TNIK: variants seen among roughly 807,000 people sequenced by gnomAD.
TNIK encodes the protein TRAF2 and NCK-interacting protein kinase.
Under a neutral mutation model 191.3 loss-of-function variants are expected in TNIK, and 49 were observed. That is an observed-to-expected ratio of 0.26 (90% CI 0.20 to 0.32). TNIK has a LOEUF of 0.32. Ranked by LOEUF, TNIK falls within the 10% of genes least tolerant of loss-of-function variation. The pLI, the probability that TNIK is intolerant of heterozygous loss-of-function variation, is 1.00. For synonymous variants in TNIK, 594 were observed against 600.9 expected, an observed-to-expected ratio of 0.99 and a Z score of 0.17; for missense variants, 1,155 against 1,702.3, an observed-to-expected ratio of 0.68 and a Z score of 5.66.
chr3:171,114,990 T>C (rs988702246), intron 18 of TNIK, among the ~76,000 whole-genome samples: 1 of 152,246 alleles, frequency 6.6e-6, no homozygotes, highest in Non-Finnish European at 1.5e-5. Flanking sequence ...CCCTGTTTTA[T>C]TAAACAATAG....
intron 18 of TNIK, among the ~76,000 whole-genome samples, chr3:171,112,794 C>T (rs1192621373): frequency 6.6e-6 from 1 of 151,254 alleles, no homozygotes; most frequent in Non-Finnish European, 1.5e-5. Context: ...GTAATAGCTT[C>T]ATTAATTGTC....
intron 3 of TNIK, among the ~76,000 whole-genome samples, chr3:171,220,005 A>G (rs964179212): frequency 6.6e-6 from 1 of 152,186 alleles, no homozygotes; most frequent in African/African-American, 2.4e-5. Flanking sequence ...ATGCCCATCA[A>G]TGATAGACTG....
chr3:171,421,678 A>G (rs7650598), intron 1 of TNIK, among the ~76,000 whole-genome samples: 116,077 of 150,234 alleles, frequency 0.77, 44,988 homozygotes, highest in Middle Eastern at 0.87. Context: ...TAAAAAGCAG[A>G]GACATTGAAT....
rs570306825 is a variant in TNIK, at chr3:171,370,627, T to C, written c.58-942A>G. Among the ~76,000 whole-genome samples the C allele has an allele frequency of 9.9e-5, 15 of 152,228 alleles. 1 individual carries two copies. In the South Asian group the frequency reaches 2.3e-3, roughly 23 times the overall value. Reference sequence around the variant, plus strand: ...AGGCCAGTAACATAAACAAGTAAAGTGGTCCAGTTGGGGCCTGTGGCAAAC... The same window carrying C: ...AGGCCAGTAACATAAACAAGTAAAGCGGTCCAGTTGGGGCCTGTGGCAAAC... On this transcript the variant is annotated intron_variant, in intron 1 of 32. Coordinates refer to ENST00000436636, the MANE Select transcript of TNIK (RefSeq NM_015028.4).
chr3:171,298,066 T>TA (rs1485636706), intron 2 of TNIK, among the ~76,000 whole-genome samples: 1 of 152,220 alleles, frequency 6.6e-6, no homozygotes, highest in African/African-American at 2.4e-5. Flanking sequence ...TCTGATGATT[T>TA]AGGATGGTGT....
At chr3:171,286,602 T>C (rs1190273474) in intron 2 of TNIK, among the ~76,000 whole-genome samples, 3 of 152,148 alleles carry the variant, frequency 2.0e-5, no homozygotes, top group African/African-American at 7.2e-5. Flanking sequence ...GCCCCTGCAC[T>C]CCAGCTTGGG....
chr3:171,248,260 G>T (rs2109070213), intron 2 of TNIK, among the ~76,000 whole-genome samples: 1 of 152,302 alleles, frequency 6.6e-6, no homozygotes, highest in South Asian at 2.1e-4. Flanking sequence ...GCGGAAGGGA[G>T]GAGAGGAGAG....
At chr3:171,358,476 C>T (rs189982399) in intron 2 of TNIK, among the ~76,000 whole-genome samples, 8 of 152,138 alleles carry the variant, frequency 5.3e-5, no homozygotes, top group African/African-American at 1.4e-4. Context: ...AGGGAAACTG[C>T]CCCCAGGATT....
chr3:171,157,729 TGGA>T, intron 11 of TNIK, 65 bp from the exon 12 acceptor site: 1 of 1,501,364 alleles, frequency 6.7e-7, no homozygotes, highest in Non-Finnish European at 9.0e-7. Flanking sequence ...CAAGAGGCCT[TGGA>T]GGAGGAAAGC....
intron 9 of TNIK, among the ~76,000 whole-genome samples, chr3:171,170,068 T>C (rs1021790050): frequency 3.3e-5 from 5 of 152,244 alleles, no homozygotes; most frequent in Admixed American, 1.3e-4. Flanking sequence ...CCTCACTGTT[T>C]GCTGAGTGTT....
chr3:171,410,505 C>T (rs530203199), intron 1 of TNIK, among the ~76,000 whole-genome samples: 10 of 151,950 alleles, frequency 6.6e-5, no homozygotes, highest in African/African-American at 2.4e-4. Context: ...CTGGGCTGGG[C>T]GCATTGGCTC....
At chr3:171,424,214 C>T (rs916832361) in intron 1 of TNIK, among the ~76,000 whole-genome samples, 2 of 152,096 alleles carry the variant, frequency 1.3e-5, no homozygotes, top group African/African-American at 4.8e-5. Context: ...TTTATGCAGC[C>T]AAAAGACACA....
intron 2 of TNIK, among the ~76,000 whole-genome samples, chr3:171,281,016 T>A (rs1750362904): frequency 6.6e-6 from 1 of 152,034 alleles, no homozygotes; most frequent in African/African-American, 2.4e-5. Context: ...TCAGTAAGTA[T>A]CCCTTTGGAG....
At chr3:171,390,807 G>A (rs921556085) in intron 1 of TNIK, among the ~76,000 whole-genome samples, 2 of 152,176 alleles carry the variant, frequency 1.3e-5, no homozygotes, top group African/African-American at 4.8e-5. Flanking sequence ...TTGGACTGGA[G>A]CTATATTTTA....
intron 1 of TNIK, among the ~76,000 whole-genome samples, chr3:171,381,012 T>A (rs1247373523): frequency 6.6e-6 from 1 of 152,142 alleles, no homozygotes; most frequent in African/African-American, 2.4e-5. Flanking sequence ...CAATACCAAC[T>A]CTTATAAATC....
intron 1 of TNIK, among the ~76,000 whole-genome samples, chr3:171,394,779 T>C (rs1206590629): frequency 6.6e-6 from 1 of 152,238 alleles, no homozygotes; most frequent in Non-Finnish European, 1.5e-5. Flanking sequence ...TTATTTGTGC[T>C]CCACTGAAAA....
intron 28 of TNIK, among the ~76,000 whole-genome samples, chr3:171,076,368 C>T (rs1056284743): frequency 6.6e-6 from 1 of 152,316 alleles, no homozygotes; most frequent in South Asian, 2.1e-4. Context: ...TTCTTTATAG[C>T]ATGCCCCTTC....
intron 2 of TNIK, among the ~76,000 whole-genome samples, chr3:171,263,815 A>G (rs1022180607): frequency 5.9e-5 from 9 of 151,640 alleles, no homozygotes; most frequent in African/African-American, 1.9e-4. Context: ...AAGGCTTCCT[A>G]TGGAAGCAAC....
chr3:171,244,060 G>GT (rs34724564), intron 2 of TNIK, among the ~76,000 whole-genome samples: 5,101 of 135,912 alleles, frequency 0.038, 239 homozygotes, highest in African/African-American at 0.11. Flanking sequence ...GACAGAAATA[G>GT]TTTTTTTTTT....
Sources: gnomAD v4.1 joint callset for allele counts (sites outside exome capture counted in the v4.1 genomes callset) on GRCh38, gnomAD v4.1.1 for gene constraint, MANE v1.5 for transcripts, NCBI Gene and HGNC (gene_info 2026-07-23, HGNC 2026-07-21) for gene names.